KDM4C: variants seen among roughly 807,000 people sequenced by gnomAD.
KDM4C encodes the protein lysine demethylase 4C, also known as lysine-specific demethylase 4C.
A neutral mutation model predicts 129.3 loss-of-function variants in KDM4C; 81 were observed. The observed-to-expected ratio is 0.63, with a 90% confidence interval of 0.52 to 0.75. The LOEUF (loss-of-function observed/expected upper bound fraction) is 0.75. Ranked by LOEUF, KDM4C falls within the 30% of genes least tolerant of loss-of-function variation. The pLI, the probability that KDM4C is intolerant of heterozygous loss-of-function variation, is 0.00. For missense variants in KDM4C, 1,457 were observed against 1,304.0 expected, an observed-to-expected ratio of 1.12 and a Z score of -1.81; for synonymous variants, 573 against 456.1, an observed-to-expected ratio of 1.26 and a Z score of -3.26.
chr9:6,781,037 C>T (rs1437636724), intron 1 of KDM4C, among the ~76,000 whole-genome samples: 2 of 152,120 alleles, frequency 1.3e-5, no homozygotes, highest in African/African-American at 4.8e-5. Flanking sequence ...CAGACAGTAG[C>T]TGCTGTAGCC....
In KDM4C at chr9:7,149,262, A is replaced by G. The variant is rs577818909; in HGVS notation, c.2782-15976A>G. Among the ~76,000 whole-genome samples, 20 of 152,326 alleles carry G rather than the reference A, an allele frequency of 1.3e-4. 1 individual carries two copies. In the East Asian group the frequency reaches 2.5e-3, roughly 19 times the overall value. On this transcript the variant is annotated intron_variant, in intron 19 of 21. Transcript: ENST00000381309. Reference sequence around the variant, plus strand: ...CATGCACACGCCCGGCTGGGTCGCTACAGTGCCTGGGCTCAGCTATCAAGA... The same window carrying G: ...CATGCACACGCCCGGCTGGGTCGCTGCAGTGCCTGGGCTCAGCTATCAAGA...
chr9:7,048,295 C>A (rs1829692645), intron 16 of KDM4C, among the ~76,000 whole-genome samples: 1 of 152,096 alleles, frequency 6.6e-6, no homozygotes, highest in African/African-American at 2.4e-5. Context: ...GATACTTGTT[C>A]TCTCTTCCTG....
At chr9:7,039,447 A>G (rs202220684) in intron 15 of KDM4C, among the ~76,000 whole-genome samples, 6 of 151,800 alleles carry the variant, frequency 4.0e-5, no homozygotes, top group African/African-American at 9.7e-5. Flanking sequence ...TCTCTTTTTT[A>G]TATTTTTAAT....
intron 1 of KDM4C, among the ~76,000 whole-genome samples, chr9:6,778,192 C>G (rs1222085629): frequency 6.6e-6 from 1 of 151,438 alleles, no homozygotes; most frequent in Admixed American, 6.6e-5. Context: ...TGGGTTCAAG[C>G]AATTCTCCTG....
chr9:6,763,182 C>G (rs1272553752), intron 1 of KDM4C, among the ~76,000 whole-genome samples: 1 of 152,108 alleles, frequency 6.6e-6, no homozygotes, highest in Non-Finnish European at 1.5e-5. Flanking sequence ...GCTGCTTTCT[C>G]TAGGGAAAAA....
chr9:6,784,601 G>A (rs1291390856), intron 1 of KDM4C, among the ~76,000 whole-genome samples: 1 of 152,206 alleles, frequency 6.6e-6, no homozygotes, highest in Non-Finnish European at 1.5e-5. Flanking sequence ...AAGGCACTCT[G>A]TTCCAGAACT....
chr9:7,047,459 A>T (rs919253989), intron 16 of KDM4C, among the ~76,000 whole-genome samples: 3 of 152,076 alleles, frequency 2.0e-5, no homozygotes, highest in Non-Finnish European at 4.4e-5. Flanking sequence ...CTTGAAAGAG[A>T]GTCATAAGTG....
At chr9:6,867,720 G>C (rs373127070) in intron 5 of KDM4C, among the ~76,000 whole-genome samples, 1 of 152,116 alleles carries the variant, frequency 6.6e-6, no homozygotes. Flanking sequence ...ACACACCTGT[G>C]TCAGGTATTG....
intron 12 of KDM4C, among the ~76,000 whole-genome samples, chr9:7,006,817 C>A (rs1399323826): frequency 6.6e-6 from 1 of 151,940 alleles, no homozygotes. Flanking sequence ...GATTGGTTTC[C>A]TGGGTCTAAG....
chr9:6,732,657 C>T (rs2988409), intron 1 of KDM4C, among the ~76,000 whole-genome samples: 69,850 of 152,052 alleles, frequency 0.46, 16,249 homozygotes, highest in Admixed American at 0.54. Context: ...AAAGTACTCA[C>T]TTCCTAAACC....
intron 1 of KDM4C, among the ~76,000 whole-genome samples, chr9:6,761,130 C>G (rs1468109713): frequency 6.6e-6 from 1 of 151,876 alleles, no homozygotes; most frequent in Admixed American, 6.6e-5. Flanking sequence ...CTGCCTCAGC[C>G]AACCCAGTAG....
intron 1 of KDM4C, among the ~76,000 whole-genome samples, chr9:6,771,448 A>C (rs1036145262): frequency 5.9e-5 from 9 of 151,586 alleles, no homozygotes; most frequent in African/African-American, 2.2e-4. Context: ...ACCAGCTTGG[A>C]TTACAGGCAT....
chr9:6,753,426 TG>T (rs1818139585), upstream of KDM4C, among the ~76,000 whole-genome samples: 1 of 152,170 alleles, frequency 6.6e-6, no homozygotes, highest in Admixed American at 6.6e-5. Context: ...TACCACAGAC[TG>T]GGTAATTTAT....
chr9:7,061,359 G>A (rs193267090), intron 17 of KDM4C, among the ~76,000 whole-genome samples: 18 of 152,292 alleles, frequency 1.2e-4, no homozygotes, highest in African/African-American at 2.6e-4. Flanking sequence ...CTTCTGTCCC[G>A]TTACAGTTTT....
At chr9:7,076,527 A>G in intron 17 of KDM4C, 1 of 1,542,866 alleles carries the variant, frequency 6.5e-7, no homozygotes, top group Non-Finnish European at 8.7e-7. Context: ...GGAAAGTTAC[A>G]TCCCCTCCGC....
intron 18 of KDM4C, among the ~76,000 whole-genome samples, chr9:7,113,358 C>T (rs1320971797): frequency 6.6e-6 from 1 of 152,216 alleles, no homozygotes; most frequent in East Asian, 1.9e-4. Context: ...CATTCAGAAC[C>T]TATCTTTCTC....
At chr9:7,096,929 TG>T (rs1439399459) in intron 17 of KDM4C, among the ~76,000 whole-genome samples, 1 of 152,228 alleles carries the variant, frequency 6.6e-6, no homozygotes, top group African/African-American at 2.4e-5. Context: ...GTGAAGTTTG[TG>T]CCAGAGTACA....
intron 15 of KDM4C, among the ~76,000 whole-genome samples, chr9:7,029,566 A>G (rs1424911663): frequency 6.6e-6 from 1 of 151,986 alleles, no homozygotes. Context: ...ATAAAATTCT[A>G]AAGAGTAAAT....
At chr9:6,934,179 C>G (rs1202824052) in intron 8 of KDM4C, among the ~76,000 whole-genome samples, 2 of 151,204 alleles carry the variant, frequency 1.3e-5, no homozygotes, top group East Asian at 3.9e-4. Context: ...TAAAAAAAAT[C>G]ACTGTAAAAA....
Sources: gnomAD v4.1 joint callset for allele counts (sites outside exome capture counted in the v4.1 genomes callset) on GRCh38, gnomAD v4.1.1 for gene constraint, MANE v1.5 for transcripts, NCBI Gene and HGNC (gene_info 2026-07-23, HGNC 2026-07-21) for gene names.